CAMKK2: variants seen among roughly 807,000 people sequenced by gnomAD.
The protein encoded by CAMKK2 is calcium/calmodulin dependent protein kinase kinase 2, also known as calcium/calmodulin-dependent protein kinase kinase 2.
A neutral mutation model predicts 67.2 loss-of-function variants in CAMKK2; 30 were observed. That is an observed-to-expected ratio of 0.45 (90% CI 0.33 to 0.61). The LOEUF (loss-of-function observed/expected upper bound fraction) is 0.61. Ranked by LOEUF, CAMKK2 falls within the 20% of genes least tolerant of loss-of-function variation. CAMKK2 has a pLI of 0.02. For missense variants in CAMKK2, 643 were observed against 802.0 expected (o/e 0.80, Z 2.39); for synonymous variants, 322 against 326.2 (o/e 0.99, Z 0.14).
At chr12:121,265,468 T>A (rs562195598) in intron 5 of CAMKK2, among the ~76,000 whole-genome samples, 1 of 152,102 alleles carries the variant, frequency 6.6e-6, no homozygotes, top group Non-Finnish European at 1.5e-5. Flanking sequence ...CCAAAATTCA[T>A]ATGTCAAAAC....
chr12:121,247,283 C>T (rs1337523605), intron 14 of CAMKK2, among the ~76,000 whole-genome samples: 1 of 152,196 alleles, frequency 6.6e-6, no homozygotes, highest in Non-Finnish European at 1.5e-5. Context: ...ATCTGCCTCT[C>T]AAGCATGGCA....
chr12:121,260,196 A>T, intron 7 of CAMKK2, 123 bp downstream of exon 7: 1 of 803,882 alleles, frequency 1.2e-6, no homozygotes, highest in Non-Finnish European at 2.0e-6. Context: ...GGCCAGCTGG[A>T]CCAGGAAAGG....
intron 15 of CAMKK2, 127 bp from the exon 16 acceptor site, chr12:121,244,742 G>T: frequency 1.3e-6 from 1 of 747,576 alleles, no homozygotes; most frequent in South Asian, 1.8e-5. Context: ...AGCCAGGGTG[G>T]CGTTGACAGC....
In CAMKK2 at chr12:121,240,662, G is replaced by T. The variant is rs201611432; in HGVS notation, c.*37C>A. On this transcript the variant is annotated 3_prime_UTR_variant, in exon 17 of 17. Coordinates refer to ENST00000404169, the MANE Select transcript of CAMKK2 (RefSeq NM_001270485.2). This position sits in a 1 kb window ranked among gnomAD's most constrained non-coding sequence, Gnocchi z 4.4. ...CGCGGTGCAGCAGCCCCCCAGAGGC[G>T]ACGCGGCGCGCATGCGAGGTCGAGC... 9 of 1,555,450 alleles carry T rather than the reference G, an allele frequency of 5.8e-6. No individual in the cohort carries two copies. The highest frequency in any genetic ancestry group is 1.8e-4 in the Middle Eastern group (1 of 5,662).
At chr12:121,252,179 T>A (rs966353004) in intron 11 of CAMKK2, among the ~76,000 whole-genome samples, 1 of 152,258 alleles carries the variant, frequency 6.6e-6, no homozygotes, top group Non-Finnish European at 1.5e-5. Context: ...CATTTTTTCA[T>A]AGATATGATC....
chr12:121,284,768 A>C (rs936234808), intron 1 of CAMKK2, among the ~76,000 whole-genome samples: 4 of 152,180 alleles, frequency 2.6e-5, no homozygotes, highest in African/African-American at 4.8e-5. Context: ...CCTTGCTGGG[A>C]CCTCGACCTG....
In CAMKK2 at chr12:121,240,836, G is replaced by A. The variant is rs765213855; in HGVS notation, c.1630C>T (p.Arg544Ter). ...ARQRRQPPGH[R>*]PAPRGGGGSA... The stretch of plus-strand genomic sequence containing the variant: ...CCTCCTCCCCCACGGGGGGCGGGTC[G>A]GTGCCCTGGAGGTTGTCTTCGCTGC... The change falls in exon 17 of 17, where the codon CGA becomes TGA. Residue 544 changes from arginine to a stop codon, truncating the protein, a stop_gained. Coordinates refer to ENST00000404169, the MANE Select transcript of CAMKK2 (RefSeq NM_001270485.2). LOFTEE classifies it high-confidence loss of function. The surrounding 1 kb of genome is among the most constrained non-coding windows in gnomAD (Gnocchi z 4.4). 3.1e-6 allele frequency: 5 copies of A among 1,612,414 alleles called. No homozygotes were observed. In the Admixed American group the frequency reaches 5.0e-5, roughly 16 times the overall value.
chr12:121,270,343 C>G (rs1895502967), intron 3 of CAMKK2, among the ~76,000 whole-genome samples: 1 of 150,128 alleles, frequency 6.7e-6, no homozygotes, highest in Non-Finnish European at 1.5e-5. Flanking sequence ...GCGCTCCAGC[C>G]TTGGTGATAG....
chr12:121,274,957 T>A (rs1035951483), intron 1 of CAMKK2, among the ~76,000 whole-genome samples: 1 of 151,750 alleles, frequency 6.6e-6, no homozygotes, highest in Non-Finnish European at 1.5e-5. Context: ...ACTTCTCACA[T>A]ACCATGACAA....
At chr12:121,292,256 G>T (rs1900193131) in intron 1 of CAMKK2, among the ~76,000 whole-genome samples, 1 of 151,542 alleles carries the variant, frequency 6.6e-6, no homozygotes, top group South Asian at 2.1e-4. Context: ...CTCCCGAGTG[G>T]CTGGGATTAC....
rs1037350881 is a variant in CAMKK2, at chr12:121,237,843, A to C, written c.*2856T>G. On this transcript the variant is annotated 3_prime_UTR_variant, in exon 17 of 17. Coordinates refer to ENST00000404169, the MANE Select transcript of CAMKK2 (RefSeq NM_001270485.2). This position sits in a 1 kb window ranked among gnomAD's most constrained non-coding sequence, Gnocchi z 4.5. Reference sequence around the variant, plus strand: ...ACTTTATACACCTGATAAAAGGAAAATGCATAGTAGAAAGGGTCGGGAATG... The same window carrying C: ...ACTTTATACACCTGATAAAAGGAAACTGCATAGTAGAAAGGGTCGGGAATG... 6.6e-6 allele frequency: 1 copy of C among 152,648 alleles called. No individual in the cohort carries two copies. The highest frequency in any genetic ancestry group is 2.4e-5 in the African/African-American group (1 of 41,458). 9.5% of individuals were successfully genotyped at this position (152,648 alleles called of 1,614,324 possible).
intron 5 of CAMKK2, 146 bp from the exon 6 acceptor site, chr12:121,264,085 A>AC (rs1894023224): frequency 1.5e-6 from 1 of 682,898 alleles, no homozygotes; most frequent in East Asian, 3.0e-5. Context: ...GCTTTAACTA[A>AC]CCCTCTACTC....
intron 7 of CAMKK2, among the ~76,000 whole-genome samples, chr12:121,257,322 C>T (rs1014943066): frequency 8.6e-5 from 13 of 151,478 alleles, no homozygotes; most frequent in Non-Finnish European, 1.9e-4. Context: ...TCTTGGCTCA[C>T]TGCAACCTCT....
At chr12:121,284,835 G>T (rs889880558) in intron 1 of CAMKK2, among the ~76,000 whole-genome samples, 1 of 152,220 alleles carries the variant, frequency 6.6e-6, no homozygotes, top group African/African-American at 2.4e-5. Flanking sequence ...GAGGAGAAAT[G>T]CACAGGATTT....
At position 121,240,863 on chromosome 12, in the gene CAMKK2, T is replaced by C. The variant is rs754760801; in HGVS notation, c.1603A>G (p.Arg535Gly). The change falls in exon 17 of 17, where the codon AGG becomes GGG. Residue 535 changes from arginine (R) to glycine (G), a missense_variant. Around this residue, in one of 3 missense-constraint regions of CAMKK2, gnomAD observed 140 missense variants for 124.2 expected, o/e 1.13. Transcript: ENST00000404169. This position sits in a 1 kb window ranked among gnomAD's most constrained non-coding sequence, Gnocchi z 4.4. Reference protein sequence around the residue: ...CESLSELKEARQRRQPPGHRP... With the variant: ...CESLSELKEAGQRRQPPGHRP... Reference sequence around the variant, plus strand: ...TGCCCTGGAGGTTGTCTTCGCTGCCTTGCTTCCTGCTCACCGAACAGAAAA... The same window carrying C: ...TGCCCTGGAGGTTGTCTTCGCTGCCCTGCTTCCTGCTCACCGAACAGAAAA... 6.2e-7 allele frequency: 1 copy of C among 1,612,408 alleles called. No individual in the cohort carries two copies. Among genetic ancestry groups the C allele is most frequent in the Non-Finnish European group, 8.5e-7 (1 of 1,179,906 alleles).
chr12:121,256,074 G>A (rs12227751), intron 7 of CAMKK2, among the ~76,000 whole-genome samples: 29,210 of 152,162 alleles, frequency 0.19, 3,274 homozygotes, highest in African/African-American at 0.28. Context: ...GGATCCACTG[G>A]TCAAAGAAAA....
intron 9 of CAMKK2, among the ~76,000 whole-genome samples, chr12:121,254,951 C>T (rs1373381034): frequency 6.6e-6 from 1 of 151,712 alleles, no homozygotes; most frequent in Non-Finnish European, 1.5e-5. Flanking sequence ...CTGGGGAAGG[C>T]AGACCCACAA....
rs1888259331 is a variant in CAMKK2 at position 121,240,923 on chromosome 12, C to T, written c.1597-54G>A. The T allele has an allele frequency of 1.3e-6, 2 of 1,584,838 alleles. No homozygotes were observed. On this transcript the variant is annotated intron_variant, in intron 16 of 16. Transcript: ENST00000404169. The surrounding 1 kb of genome is among the most constrained non-coding windows in gnomAD (Gnocchi z 4.4). The stretch of plus-strand genomic sequence containing the variant: ...AGACTCTGAGAAATGCCAGCGAGGC[C>T]CTGAGCCAGCTGCTCCCACATCTGG...
At chr12:121,276,803 T>C (rs1896893581) in intron 1 of CAMKK2, among the ~76,000 whole-genome samples, 1 of 148,832 alleles carries the variant, frequency 6.7e-6, no homozygotes, top group South Asian at 2.1e-4. Context: ...GGAGAATTGC[T>C]TGAACCTGGG....
Sources: gnomAD v4.1 joint callset for allele counts (sites outside exome capture counted in the v4.1 genomes callset) on GRCh38, gnomAD v4.1.1 for gene constraint, gnomAD v4.1.1 regional missense constraint, Gnocchi (gnomAD v3.1) non-coding constraint, MANE v1.5 for transcripts, NCBI Gene and HGNC (gene_info 2026-07-23, HGNC 2026-07-21) for gene names.